EPB41L4B: variants seen among roughly 807,000 people sequenced by gnomAD.
The protein encoded by EPB41L4B is erythrocyte membrane protein band 4.1 like 4B, also known as band 4.1-like protein 4B.
EPB41L4B carries 30 observed loss-of-function variants against 112.5 expected under a neutral mutation model. The ratio of observed to expected loss-of-function variants is 0.27; its 90% CI spans 0.20 to 0.36. The LOEUF is 0.36. EPB41L4B is among the 10% of genes least tolerant of loss of function. The probability of loss-of-function intolerance (pLI) is 1.00; values close to 1 mark genes in which losing one functional copy is unlikely to be tolerated. For synonymous variants in EPB41L4B, 408 were observed against 439.7 expected, an observed-to-expected ratio of 0.93 and a Z score of 0.90; for missense variants, 1,024 against 1,133.3, an observed-to-expected ratio of 0.90 and a Z score of 1.38.
At chr9:109,312,164 T>C (rs1837436474) in intron 1 of EPB41L4B, among the ~76,000 whole-genome samples, 1 of 152,156 alleles carries the variant, frequency 6.6e-6, no homozygotes, top group Non-Finnish European at 1.5e-5. Flanking sequence ...AAAAATGTTT[T>C]AAAGGATATA....
intron 1 of EPB41L4B, among the ~76,000 whole-genome samples, chr9:109,281,799 T>G (rs995854988): frequency 6.6e-6 from 1 of 152,164 alleles, no homozygotes. Flanking sequence ...CTGATGGGAA[T>G]GTAAAACTGT....
intron 2 of EPB41L4B, 152 bp downstream of exon 2, chr9:109,279,665 C>T: frequency 1.5e-6 from 1 of 658,118 alleles, no homozygotes; most frequent in Non-Finnish European, 2.6e-6. Context: ...ACGCATGGCA[C>T]TTGGGCACCA....
chr9:109,292,705 T>C (rs575357405), intron 1 of EPB41L4B, among the ~76,000 whole-genome samples: 7 of 152,334 alleles, frequency 4.6e-5, no homozygotes, highest in African/African-American at 1.7e-4. Flanking sequence ...CAAACATGGC[T>C]GCAATTCTCT....
chr9:109,194,325 T>A lies in EPB41L4B; in HGVS notation c.2118A>T (p.Thr706=). ...GCACGGAGACTTGTGTGGCGGCCGTTGTGGTGTTTGTGGTTGTAGATGTGG... is the reference window on the plus strand; with the variant it reads ...GCACGGAGACTTGTGTGGCGGCCGTAGTGGTGTTTGTGGTTGTAGATGTGG... ...GVTTSTTTNT[T]TAATQVSVPL... Residue 706 remains threonine (T), a synonymous_variant, in exon 21 of 26, where the codon ACA becomes ACT. Coordinates refer to ENST00000374566, the MANE Select transcript of EPB41L4B (RefSeq NM_019114.5). 4 of 1,614,138 alleles carry A rather than the reference T, an allele frequency of 2.5e-6. No homozygotes were observed. Among genetic ancestry groups the A allele is most frequent in the Non-Finnish European group, 1.7e-6 (2 of 1,180,026 alleles).
At chr9:109,182,109 C>T (rs902103763) in intron 24 of EPB41L4B, among the ~76,000 whole-genome samples, 5 of 151,718 alleles carry the variant, frequency 3.3e-5, no homozygotes, top group African/African-American at 4.9e-5. Flanking sequence ...CTCAGGAGGC[C>T]GACGCAGGAG....
chr9:109,187,925 G>A (rs948307983), intron 22 of EPB41L4B, among the ~76,000 whole-genome samples: 1 of 152,082 alleles, frequency 6.6e-6, no homozygotes, highest in East Asian at 1.9e-4. Context: ...AGAACATCCT[G>A]GGGCTCCCAC....
chr9:109,191,476 T>C (rs955960498), intron 22 of EPB41L4B, among the ~76,000 whole-genome samples: 3 of 152,114 alleles, frequency 2.0e-5, no homozygotes, highest in African/African-American at 7.2e-5. Context: ...GGAGAGAGAA[T>C]GAGCTTCCTA....
intron 17 of EPB41L4B, among the ~76,000 whole-genome samples, chr9:109,212,146 A>G (rs1182352969): frequency 6.6e-6 from 1 of 152,146 alleles, no homozygotes. Context: ...CGCTCCACCA[A>G]TAGTCATGGC....
At chr9:109,292,716 G>A (rs1485538741) in intron 1 of EPB41L4B, among the ~76,000 whole-genome samples, 1 of 152,178 alleles carries the variant, frequency 6.6e-6, no homozygotes. Context: ...GCAATTCTCT[G>A]ATACTCTTAT....
chr9:109,309,062 G>A (rs1335476269), intron 1 of EPB41L4B, among the ~76,000 whole-genome samples: 3 of 152,024 alleles, frequency 2.0e-5, no homozygotes, highest in East Asian at 3.9e-4. Flanking sequence ...GTGACGAAGC[G>A]AGATTCCGTC....
Position 109,194,415 on chromosome 9 carries a change from A to G in EPB41L4B, c.2046-18T>C. The G allele has an allele frequency of 6.2e-7, 1 of 1,612,610 alleles. No individual in the cohort carries two copies. Among genetic ancestry groups the G allele is most frequent in the Non-Finnish European group, 8.5e-7 (1 of 1,179,024 alleles). Reference sequence around the variant, plus strand: ...CTTCATCACTGCGGTTACTAAAAGCACATGAAGCTCTGCTCATTACAATAA... The same window carrying G: ...CTTCATCACTGCGGTTACTAAAAGCGCATGAAGCTCTGCTCATTACAATAA... On this transcript the variant is annotated intron_variant, in intron 20 of 25. Coordinates refer to ENST00000374566, the MANE Select transcript of EPB41L4B (RefSeq NM_019114.5).
chr9:109,266,934 A>T (rs1000043541), intron 4 of EPB41L4B, among the ~76,000 whole-genome samples: 11 of 140,372 alleles, frequency 7.8e-5, no homozygotes, highest in South Asian at 2.3e-4. Flanking sequence ...ATGCCACTGC[A>T]CTCCAACCTA....
rs568401983 is a variant in EPB41L4B at position 109,174,435 on chromosome 9, G to A, written c.*119C>T. On this transcript the variant is annotated 3_prime_UTR_variant, in exon 26 of 26. Coordinates refer to ENST00000374566, the MANE Select transcript of EPB41L4B (RefSeq NM_019114.5). ...CCAGAAATTGGCTTCAACTAACCAT[G>A]GAGACCTGGGCGAACAGAGCACACA... The A allele has an allele frequency of 5.2e-6, 5 of 968,736 alleles. No individual in the cohort carries two copies. Among genetic ancestry groups the A allele is most frequent in the South Asian group, 4.2e-5 (3 of 72,248 alleles). The allele number at this position is 968,736 out of a possible 1,614,324, so 60.0% of individuals were successfully genotyped here.
In EPB41L4B at chr9:109,192,404, G is replaced by T. The variant is rs144897366; in HGVS notation, c.2224-49C>A. 975 of 1,434,224 alleles carry T rather than the reference G, an allele frequency of 6.8e-4. 7 individuals carry two copies. The African/African-American group carries it at 0.013, about 19-fold the overall frequency. The allele number at this position is 1,434,224 out of a possible 1,614,324, so 88.8% of individuals were successfully genotyped here. A position where few individuals can be genotyped will look rare whatever the true frequency, so the allele number is the denominator to read the frequency against. On this transcript the variant is annotated intron_variant, in intron 21 of 25. Transcript: ENST00000374566. ...TGGTTAGAGACGGCACTGCATTGAT[G>T]ATAAAGTTCACCAGAAAAGACAGGC...
At chr9:109,223,451 A>C (rs1043687747) in intron 15 of EPB41L4B, among the ~76,000 whole-genome samples, 7 of 151,560 alleles carry the variant, frequency 4.6e-5, no homozygotes, top group Non-Finnish European at 8.8e-5. Flanking sequence ...AAAAAAAAAA[A>C]ATTGTTGCAT....
At chr9:109,270,253 G>A (rs1228966826) in intron 2 of EPB41L4B, among the ~76,000 whole-genome samples, 2 of 152,164 alleles carry the variant, frequency 1.3e-5, no homozygotes, top group African/African-American at 2.4e-5. Context: ...AAAAAATCAG[G>A]TGGAATCTCA....
chr9:109,224,278 G>A (rs1833688490), intron 15 of EPB41L4B, among the ~76,000 whole-genome samples: 1 of 152,106 alleles, frequency 6.6e-6, no homozygotes, highest in Non-Finnish European at 1.5e-5. Context: ...CCAACAGGTA[G>A]AAACACCCCA....
rs909535622 is a variant in EPB41L4B at position 109,201,989 on chromosome 9, C to A, written c.1947-1655G>T. ...TTAGAGGACTGTGGGCAGCAGTAGG[C>A]CCGGAAGACAATGAGGGCTCAAGGT... On this transcript the variant is annotated intron_variant, in intron 19 of 25. Coordinates refer to ENST00000374566, the MANE Select transcript of EPB41L4B (RefSeq NM_019114.5). Among the ~76,000 whole-genome samples, 2 of 152,014 alleles carry A rather than the reference C, an allele frequency of 1.3e-5. 1 individual carries two copies. The highest frequency in any genetic ancestry group is 4.2e-4 in the South Asian group (2 of 4,804).
rs368293211 is a variant in EPB41L4B at position 109,231,305 on chromosome 9, G to T, written c.1409+12313C>A. ...TGCAAGCAATTCTGATGCTAGCACA[G>T]TTGATGTATGAATCCATGCTAGATG... On this transcript the variant is annotated intron_variant, in intron 15 of 25. Transcript: ENST00000374566. 7.9e-5 allele frequency among the ~76,000 whole-genome samples: 12 copies of T among 152,224 alleles called. No homozygotes were observed. The East Asian group carries it at 1.2e-3, about 15-fold the overall frequency.
Sources: allele counts gnomAD v4.1 joint callset (sites outside exome capture counted in the v4.1 genomes callset), GRCh38; gene constraint gnomAD v4.1.1; transcripts MANE v1.5; gene names NCBI Gene and HGNC (gene_info 2026-07-23, HGNC 2026-07-21).